The following SNX32 variants were observed in gnomAD, a reference collection of about 807,000 sequenced individuals.
SNX32 encodes the protein sorting nexin 32, also known as sorting nexin-32.
In SNX32, 58 loss-of-function variants were observed where a neutral mutation model predicts 57.0. The observed-to-expected ratio is 1.02, with a 90% confidence interval of 0.82 to 1.27. The LOEUF is 1.27. SNX32 is among the 50% of genes most tolerant of loss of function. SNX32 has a pLI of 0.00. For missense variants in SNX32, 589 were observed against 541.2 expected (o/e 1.09, Z -0.88); for synonymous variants, 262 against 220.4 (o/e 1.19, Z -1.67).
chr11:65,839,577 T>G (rs1315679770), intron 1 of SNX32, among the ~76,000 whole-genome samples: 1 of 150,586 alleles, frequency 6.6e-6, no homozygotes, highest in East Asian at 2.0e-4. Context: ...ACTCCTGACC[T>G]CAGGTGATCC....
Position 65,852,548 on chromosome 11 carries a change from C to G in SNX32, c.909C>G (p.Ala303=). The G allele has an allele frequency of 6.2e-7, 1 of 1,614,212 alleles. No homozygotes were observed. Among genetic ancestry groups the G allele is most frequent in the Non-Finnish European group, 8.5e-7 (1 of 1,180,034 alleles). Residue 303 remains alanine (A), a synonymous_variant, in exon 10 of 13, where the codon GCC becomes GCG. Coordinates refer to ENST00000308342, the MANE Select transcript of SNX32 (RefSeq NM_152760.3). ...LRYYMRDSQA[A]KDLLYRRLRA... is the part of the protein sequence containing the mutation. ...ACTACATGCGTGACTCACAGGCAGC[C>G]AAGGTGAGAGGCAGCCCCAGCGCAG... is the stretch of plus-strand genomic sequence containing the variant.
chr11:65,851,730 A>C, intron 9 of SNX32, 51 bp downstream of exon 9: 1 of 1,593,332 alleles, frequency 6.3e-7, no homozygotes, highest in Admixed American at 1.7e-5. Context: ...CTTTGCAGGG[A>C]AGATGAGTCC....
chr11:65,848,728 G>A (rs1004306235), intron 1 of SNX32, among the ~76,000 whole-genome samples: 1 of 152,182 alleles, frequency 6.6e-6, no homozygotes, highest in Non-Finnish European at 1.5e-5. Flanking sequence ...GGCAACCCCC[G>A]CAAAAGAGGT....
chr11:65,849,177 C>G (rs1224808006), intron 1 of SNX32, among the ~76,000 whole-genome samples: 1 of 152,212 alleles, frequency 6.6e-6, no homozygotes, highest in African/African-American at 2.4e-5. Context: ...GGGTTTCAAT[C>G]TGGCACTGTC....
intron 6 of SNX32, 69 bp from the exon 7 acceptor site, chr11:65,850,986 C>A (rs929686503): frequency 4.8e-5 from 74 of 1,527,924 alleles, no homozygotes; most frequent in Non-Finnish European, 6.3e-5. Context: ...ATTTTGCCAA[C>A]CCTGGGTGCC....
intron 2 of SNX32, 129 bp from the exon 3 acceptor site, chr11:65,849,791 T>C: frequency 1.3e-6 from 1 of 798,264 alleles, no homozygotes; most frequent in Non-Finnish European, 2.0e-6. Context: ...AATGAAATCA[T>C]GCACACCTGA....
chr11:65,839,848 TGAAATTCAGCATATAAACAGATAAC>T (rs1373729522), intron 1 of SNX32, among the ~76,000 whole-genome samples: 29 of 151,928 alleles, frequency 1.9e-4, no homozygotes, highest in Middle Eastern at 6.8e-3. Context: ...AATCAATCAA[TGAAATTCAGCATATAAACAGATAAC>T]AAAGGCCGGG....
At chr11:65,843,047 A>AC (rs1451839383) in intron 1 of SNX32, among the ~76,000 whole-genome samples, 1 of 149,004 alleles carries the variant, frequency 6.7e-6, no homozygotes, top group Non-Finnish European at 1.5e-5. Flanking sequence ...ACATGGTGAA[A>AC]CCCCGTCTCT....
chr11:65,851,493 C>G, intron 8 of SNX32, 90 bp downstream of exon 8: 1 of 1,531,462 alleles, frequency 6.5e-7, no homozygotes, highest in Non-Finnish European at 9.0e-7. Context: ...CTACTGTCAG[C>G]TCTAGGTGGG....
chr11:65,851,382 AG>A lies in SNX32; in HGVS notation c.766del (p.Glu256LysfsTer5). 1 of 1,614,156 alleles carries A rather than the reference AG, an allele frequency of 6.2e-7. No individual in the cohort carries two copies. ...ISAALSSLGT[Q>X]EVNQLRTSFL... ...GCTGCGCTGAGCAGTCTGGGAACAC[AG>A]GAAGTCAACCAGCTAAGGACGTGAG... On this transcript the variant is annotated frameshift_variant, in exon 8 of 13. Coordinates refer to ENST00000308342, the MANE Select transcript of SNX32 (RefSeq NM_152760.3). LOFTEE classifies it high-confidence loss of function.
intron 1 of SNX32, among the ~76,000 whole-genome samples, chr11:65,836,181 C>G (rs1027928703): frequency 6.6e-6 from 1 of 152,116 alleles, no homozygotes; most frequent in Non-Finnish European, 1.5e-5. Context: ...TCTCTAAGAT[C>G]TTCCTTTAAA....
Position 65,851,334 on chromosome 11 carries a change from C to CA in SNX32, c.717dup (p.Asp240ArgfsTer33), listed in dbSNP as rs1859186809. On this transcript the variant is annotated frameshift_variant, in exon 8 of 13. Coordinates refer to ENST00000308342, the MANE Select transcript of SNX32 (RefSeq NM_152760.3). LOFTEE classifies it high-confidence loss of function. ...GGGGGCTGTTCCCCAACAGGCCTGG[C>CA]AGACGATTATATCCCTATCTCAGCT... 1 of 1,614,036 alleles carries CA rather than the reference C, an allele frequency of 6.2e-7. No individual in the cohort carries two copies. Among genetic ancestry groups the CA allele is most frequent in the Non-Finnish European group, 8.5e-7 (1 of 1,180,018 alleles).
intron 1 of SNX32, among the ~76,000 whole-genome samples, chr11:65,834,923 A>C (rs1279522099): frequency 8.2e-6 from 1 of 121,576 alleles, no homozygotes; most frequent in South Asian, 2.6e-4. Context: ...TGTCTATGTC[A>C]GTGTGTCTGT....
rs755185237 is a variant in SNX32, at chr11:65,839,223, G to GTTTTTTTTTTTTTTTTTTTTTTTTTT, written c.36+5123_36+5124insTTTTTTTTTTTTTTTTTTTTTTTTTT. ...CCCACCACGCCCAGCTAATTTTTTT[G>GTTTTTTTTTTTTTTTTTTTTTTTTTT]TATTTTTTTTTTTTTTTTTTTTTTG... On this transcript the variant is annotated intron_variant, in intron 1 of 12. Transcript: ENST00000308342. Among the ~76,000 whole-genome samples, 29 of 22,960 alleles carry GTTTTTTTTTTTTTTTTTTTTTTTTTT rather than the reference G, an allele frequency of 1.3e-3. 6 individuals are homozygous for GTTTTTTTTTTTTTTTTTTTTTTTTTT. Among genetic ancestry groups the GTTTTTTTTTTTTTTTTTTTTTTTTTT allele is most frequent in the Middle Eastern group, 0.025 (1 of 40 alleles). 15.1% of individuals were successfully genotyped at this position (22,960 alleles called of 152,430 possible).
At chr11:65,843,668 T>A (rs1331576813) in intron 1 of SNX32, among the ~76,000 whole-genome samples, 1 of 152,166 alleles carries the variant, frequency 6.6e-6, no homozygotes, top group African/African-American at 2.4e-5. Context: ...TTCATGACCT[T>A]GGGGTAGGCA....
At chr11:65,846,266 G>A (rs146990690) in intron 1 of SNX32, among the ~76,000 whole-genome samples, 1,498 of 147,006 alleles carry the variant, frequency 0.01, 23 homozygotes, top group African/African-American at 0.035. Context: ...GTGAGACTTC[G>A]TCTCAAAAAA....
At chr11:65,839,744 A>G (rs1435859447) in intron 1 of SNX32, among the ~76,000 whole-genome samples, 1 of 152,114 alleles carries the variant, frequency 6.6e-6, no homozygotes, top group African/African-American at 2.4e-5. Flanking sequence ...AAAAAAAAAA[A>G]AAAAATTATC....
chr11:65,850,699 G>A (rs1859153599), intron 5 of SNX32, 52 bp from the exon 6 acceptor site: 2 of 1,592,180 alleles, frequency 1.3e-6, no homozygotes, highest in Non-Finnish European at 1.7e-6. Context: ...GCAACTTGGG[G>A]TGGGAGGTGA....
chr11:65,834,220 C>T lies in SNX32; in HGVS notation c.36+119C>T, dbSNP rs568384474. ...GTGTGTGGTCTGCCTCTGTGTGTTTCTGTGTGTGTCTGTGTGTGTATAGTC... is the reference window on the plus strand; with the variant it reads ...GTGTGTGGTCTGCCTCTGTGTGTTTTTGTGTGTGTCTGTGTGTGTATAGTC... On this transcript the variant is annotated intron_variant, in intron 1 of 12. Transcript: ENST00000308342. 2.0e-5 allele frequency: 20 copies of T among 976,750 alleles called. No homozygotes were observed. In the East Asian group the frequency reaches 5.5e-4, roughly 27 times the overall value. The allele number at this position is 976,750 out of a possible 1,614,324, so 60.5% of individuals were successfully genotyped here.
Sources: gnomAD v4.1 joint callset for allele counts (sites outside exome capture counted in the v4.1 genomes callset) on GRCh38, gnomAD v4.1.1 for gene constraint, MANE v1.5 for transcripts, NCBI Gene and HGNC (gene_info 2026-07-23, HGNC 2026-07-21) for gene names.